Variants in SLC12A3 observed in about 807,000 individuals in gnomAD.
The protein encoded by SLC12A3 is Na-Cl cotransporter.
In SLC12A3, 104 loss-of-function variants were observed where a neutral mutation model predicts 121.0. That is an observed-to-expected ratio of 0.86 (90% CI 0.73 to 1.01). The LOEUF (loss-of-function observed/expected upper bound fraction) is 1.01. Among genes scored for constraint, SLC12A3 ranks in the 50% least tolerant of loss-of-function variants. The pLI, the probability that SLC12A3 is intolerant of heterozygous loss-of-function variation, is 0.00. For synonymous variants in SLC12A3, 536 were observed against 533.4 expected (o/e 1.00, Z -0.07); for missense variants, 1,328 against 1,356.3 (o/e 0.98, Z 0.33).
chr16:56,896,101 G>A (rs1397020303), intron 22 of SLC12A3, among the ~76,000 whole-genome samples: 1 of 152,196 alleles, frequency 6.6e-6, no homozygotes, highest in African/African-American at 2.4e-5. Context: ...GGGGTCAGGG[G>A]CCCCTGCTTT....
chr16:56,885,364 G>C lies in SLC12A3; in HGVS notation c.1925G>C (p.Arg642Pro). 2 of 1,543,982 alleles carry C rather than the reference G, an allele frequency of 1.3e-6. No individual in the cohort carries two copies. Among genetic ancestry groups the C allele is most frequent in the South Asian group, 1.2e-5 (1 of 83,924 alleles). ...NEVEDHIKNY[R>P]PQCLVLTGPP... ...GTGGAAGACCACATCAAGAACTACC[G>C]GTGAGCAGAGCTGCTGGGACCCACC... The change falls in exon 15 of 26, where the codon CGC becomes CCC. Residue 642 changes from arginine to proline, a missense_variant and splice_region_variant. Transcript: ENST00000563236.
chr16:56,884,058 C>G lies in SLC12A3; in HGVS notation c.1679C>G (p.Pro560Arg), dbSNP rs1402444800. 2 of 1,614,184 alleles carry G rather than the reference C, an allele frequency of 1.2e-6. No homozygotes were observed. Among genetic ancestry groups the G allele is most frequent in the Non-Finnish European group, 1.7e-6 (2 of 1,180,018 alleles). ...ASITNSPGWR[P>R]SFQYYNKWAA... ...GGTGCCCTTGGCCCAGGGTGGAGAC[C>G]TTCATTCCAATACTACAACAAGTGG... The change falls in exon 14 of 26, where the codon CCT (proline) becomes CGT (arginine). Residue 560 changes from proline (P) to arginine (R), a missense_variant. Physicochemically the swap from Pro to Arg is moderately radical, Grantham distance 103. Transcript: ENST00000563236.
Position 56,887,290 on chromosome 16 carries a change from C to T in SLC12A3, c.2178+197C>T, listed in dbSNP as rs374061534. On this transcript the variant is annotated intron_variant, in intron 17 of 25. Coordinates refer to ENST00000563236, the MANE Select transcript of SLC12A3 (RefSeq NM_001126108.2). ...GATGTCAGCTCACTGCAATAACCTC[C>T]GCCTCCCGGGTTCAAGTGATTCTCC... Among the ~76,000 whole-genome samples, 60 of 152,172 alleles carry T rather than the reference C, an allele frequency of 3.9e-4. 1 individual carries two copies. In the East Asian group the frequency reaches 0.01, roughly 25 times the overall value.
chr16:56,902,650 C>T lies in SLC12A3; in HGVS notation c.2856+142C>T, dbSNP rs78331563. The T allele has an allele frequency of 1.7e-3, 1,800 of 1,035,352 alleles. 18 individuals are homozygous for T. The African/African-American group carries it at 0.024, about 14-fold the overall frequency. The allele number at this position is 1,035,352 out of a possible 1,614,324, so 64.1% of individuals were successfully genotyped here. A position where few individuals can be genotyped will look rare whatever the true frequency, so the allele number is the denominator to read the frequency against. On this transcript the variant is annotated intron_variant, in intron 24 of 25. Coordinates refer to ENST00000563236, the MANE Select transcript of SLC12A3 (RefSeq NM_001126108.2). ...CGGCCCCTGAGGTATCCTCAAGCCA[C>T]AGTCGTTCAGGCTGATGGGTAACCC... is the stretch of plus-strand genomic sequence containing the variant.
intron 14 of SLC12A3, 56 bp downstream of exon 14, chr16:56,884,260 C>T (rs1012326045): frequency 2.0e-5 from 31 of 1,586,184 alleles, no homozygotes; most frequent in South Asian, 5.5e-5. Flanking sequence ...GCCATGCAGG[C>T]GGCCCTGCCC....
intron 22 of SLC12A3, among the ~76,000 whole-genome samples, chr16:56,899,264 C>T (rs1329433006): frequency 7.4e-6 from 1 of 135,026 alleles, no homozygotes; most frequent in Non-Finnish European, 1.5e-5. Flanking sequence ...CCTATAATGC[C>T]AGCACTTTGG....
chr16:56,878,307 C>T (rs1228190745), intron 9 of SLC12A3, 146 bp downstream of exon 9: 1 of 675,440 alleles, frequency 1.5e-6, no homozygotes, highest in Admixed American at 2.2e-5. Flanking sequence ...GGTGTGGCGA[C>T]CTTAGGATGT....
chr16:56,909,441 A>C, intron 25 of SLC12A3, among the ~76,000 whole-genome samples: 1 of 142,236 alleles, frequency 7.0e-6, no homozygotes, highest in South Asian at 2.4e-4. Context: ...CATCCCCCAA[A>C]CTCACAGGGA....
At position 56,867,174 on chromosome 16, in the gene SLC12A3, C is replaced by T. The variant is rs757491324; in HGVS notation, c.387C>T (p.Asn129=). ...EGEAGTSSEK[N]PEEPVRFGWV... ...AGGCAGGCACCAGCAGCGAGAAGAA[C>T]CCCGAGGAGCCAGTGCGCTTCGGCT... Residue 129 remains asparagine (N), a synonymous_variant, in exon 2 of 26, where the codon AAC becomes AAT. Transcript: ENST00000563236. The T allele has an allele frequency of 3.1e-6, 5 of 1,613,622 alleles. No individual in the cohort carries two copies. The highest frequency in any genetic ancestry group is 2.7e-5 in the African/African-American group (2 of 74,876).
chr16:56,899,308 A>G lies in SLC12A3; in HGVS notation c.2634-222A>G, dbSNP rs12448372. Among the ~76,000 whole-genome samples, 38,289 of 152,026 alleles carry G rather than the reference A, an allele frequency of 0.25. 5,356 individuals are homozygous for G. The highest frequency in any genetic ancestry group is 0.39 in the African/African-American group (16,037 of 41,434). On this transcript the variant is annotated intron_variant, in intron 22 of 25. Transcript: ENST00000563236. ...GGCAGGATCACCCGAGGCCAACATGACGAAACCCTGTCTCTACTAAAAATA... is the reference window on the plus strand; with the variant it reads ...GGCAGGATCACCCGAGGCCAACATGGCGAAACCCTGTCTCTACTAAAAATA...
intron 18 of SLC12A3, among the ~76,000 whole-genome samples, chr16:56,888,775 GTCTCGA>G (rs1459151356): frequency 2.6e-5 from 4 of 151,986 alleles, no homozygotes; most frequent in African/African-American, 9.7e-5. Context: ...AGCCAGGATG[GTCTCGA>G]TCTCCTGACC....
intron 6 of SLC12A3, among the ~76,000 whole-genome samples, chr16:56,871,398 G>T (rs76260789): frequency 0.028 from 4,226 of 152,336 alleles, 212 homozygotes; most frequent in African/African-American, 0.094. Flanking sequence ...ACACATGGCT[G>T]CGAGGGAGCC....
At chr16:56,910,837 A>C (rs181813177) in intron 25 of SLC12A3, among the ~76,000 whole-genome samples, 1 of 152,326 alleles carries the variant, frequency 6.6e-6, no homozygotes, top group East Asian at 1.9e-4. Context: ...TGGCTAAGAG[A>C]TGTAATTCTG....
chr16:56,866,503 C>G (rs1329633648), intron 1 of SLC12A3, among the ~76,000 whole-genome samples: 5 of 152,174 alleles, frequency 3.3e-5, no homozygotes, highest in African/African-American at 1.2e-4. Flanking sequence ...CTCCAGGGAC[C>G]AACTATGTGG....
intron 8 of SLC12A3, among the ~76,000 whole-genome samples, chr16:56,875,785 C>T (rs1350725068): frequency 1.4e-5 from 2 of 140,254 alleles, no homozygotes; most frequent in Non-Finnish European, 3.1e-5. Flanking sequence ...ATGTGCCTAA[C>T]GTTGTTAAAT....
chr16:56,866,950 T>C, intron 1 of SLC12A3, 120 bp from the exon 2 acceptor site: 1 of 1,341,920 alleles, frequency 7.5e-7, no homozygotes, highest in South Asian at 1.2e-5. Context: ...CAACACCCAG[T>C]GGGCTGAGGG....
chr16:56,876,197 T>C (rs1482906371), intron 8 of SLC12A3, among the ~76,000 whole-genome samples: 11 of 152,104 alleles, frequency 7.2e-5, no homozygotes, highest in Admixed American at 2.0e-4. Context: ...CATCTGTGGG[T>C]CCTTTCCTTG....
In SLC12A3 at chr16:56,867,216, G is replaced by GGTGAGTGGGGT; in HGVS notation, c.429+4_429+14dup. ...GCTTCGGCTGGGTCAAGGGGGTGAT[G>GGTGAGTGGGGT]GTGAGTGGGGTGTGGGTGGTGCGTG... On this transcript the variant is annotated frameshift_variant and splice_region_variant. Transcript: ENST00000563236. LOFTEE classifies it high-confidence loss of function. The GGTGAGTGGGGT allele has an allele frequency of 6.2e-7, 1 of 1,606,494 alleles. No homozygotes were observed. Among genetic ancestry groups the GGTGAGTGGGGT allele is most frequent in the Non-Finnish European group, 8.5e-7 (1 of 1,177,180 alleles).
intron 20 of SLC12A3, 53 bp downstream of exon 20, chr16:56,892,186 G>A (rs757630485): frequency 4.3e-5 from 68 of 1,583,180 alleles, no homozygotes; most frequent in Non-Finnish European, 5.8e-5. Context: ...CAGAGCTCAG[G>A]GCACTCTAGC....
Sources: allele counts gnomAD v4.1 joint callset (sites outside exome capture counted in the v4.1 genomes callset), GRCh38; gene constraint gnomAD v4.1.1; transcripts MANE v1.5; gene names NCBI Gene and HGNC (gene_info 2026-07-23, HGNC 2026-07-21).